ARID3A: variants seen among roughly 807,000 people sequenced by gnomAD.
The protein encoded by ARID3A is AT-rich interactive domain-containing protein 3A.
ARID3A carries 11 observed loss-of-function variants against 52.7 expected under a neutral mutation model. That is an observed-to-expected ratio of 0.21 (90% CI 0.13 to 0.35). The LOEUF (loss-of-function observed/expected upper bound fraction) is 0.35, where lower values mean the gene tolerates loss of function less well. Among genes scored for constraint, ARID3A ranks in the 10% least tolerant of loss-of-function variants. The probability of loss-of-function intolerance (pLI) is 1.00; values close to 1 mark genes in which losing one functional copy is unlikely to be tolerated. For synonymous variants in ARID3A, 404 were observed against 359.4 expected, an observed-to-expected ratio of 1.12 and a Z score of -1.40; for missense variants, 721 against 838.5, an observed-to-expected ratio of 0.86 and a Z score of 1.73.
chr19:939,445 ACACT>A (rs1188082134), intron 3 of ARID3A, among the ~76,000 whole-genome samples: 1 of 152,118 alleles, frequency 6.6e-6, no homozygotes, highest in Non-Finnish European at 1.5e-5. Context: ...TCCAGAAGTA[ACACT>A]TGACACTCTT....
chr19:960,649 C>A lies in ARID3A; in HGVS notation c.766+485C>A, dbSNP rs766403497. 5.9e-5 allele frequency among the ~76,000 whole-genome samples: 9 copies of A among 152,052 alleles called. No homozygotes were observed. The highest frequency in any genetic ancestry group is 1.3e-4 in the Admixed American group (2 of 15,258). On this transcript the variant is annotated intron_variant, in intron 4 of 8. Transcript: ENST00000263620. This position sits in a 1 kb window ranked among gnomAD's most constrained non-coding sequence, Gnocchi z 4.3. The stretch of plus-strand genomic sequence containing the variant: ...ATGGCGGCCAATGCGACATTTGAGT[C>A]CTGGCCCCTCCCCTCTTCCCACCAG...
chr19:945,622 A>G (rs1185365146), intron 3 of ARID3A, among the ~76,000 whole-genome samples: 1 of 152,214 alleles, frequency 6.6e-6, no homozygotes, highest in East Asian at 1.9e-4. Flanking sequence ...GGGACCCCGG[A>G]CCCTGAGCCC....
Position 944,256 on chromosome 19 carries a change from G to A in ARID3A, c.693+11514G>A, listed in dbSNP as rs570047143. On this transcript the variant is annotated intron_variant, in intron 3 of 8. Transcript: ENST00000263620. This position sits in a 1 kb window ranked among gnomAD's most constrained non-coding sequence, Gnocchi z 5.9. ...ACGTCGGCAGCGCGGTGGAGGGCGG[G>A]CCTGTCTCGCCGTTATCTCCCAGGC... Among the ~76,000 whole-genome samples the A allele has an allele frequency of 3.1e-4, 47 of 152,112 alleles. No homozygotes were observed. Among genetic ancestry groups the A allele is most frequent in the African/African-American group, 1.0e-3 (42 of 41,396 alleles).
chr19:925,991 C>G (rs1372688147), upstream of ARID3A: 21 of 147,140 alleles, frequency 1.4e-4, no homozygotes, highest in Non-Finnish European at 2.2e-4. Context: ...GGGCGGGGGC[C>G]GGCCGCGCGC....
At chr19:966,117 C>T (rs144454500) in intron 6 of ARID3A, among the ~76,000 whole-genome samples, 2,014 of 151,198 alleles carry the variant, frequency 0.013, 46 homozygotes, top group African/African-American at 0.046. Context: ...GCTGGGATCG[C>T]GCCACTGCCC....
At chr19:937,185 A>G (rs1288769801) in intron 3 of ARID3A, among the ~76,000 whole-genome samples, 1 of 151,644 alleles carries the variant, frequency 6.6e-6, no homozygotes, top group Admixed American at 6.6e-5. Flanking sequence ...AACCGCTTGA[A>G]CCCGGGAGGC....
Position 947,635 on chromosome 19 carries a change from G to A in ARID3A, c.694-12457G>A, listed in dbSNP as rs933660451. ...CACGGGAGAATGAGGAGGGTCTGGC[G>A]TCAGCAAGCTCCCCCGGAATCTCGT... On this transcript the variant is annotated intron_variant, in intron 3 of 8. Transcript: ENST00000263620. The surrounding 1 kb of genome is among the most constrained non-coding windows in gnomAD (Gnocchi z 6.3). Among the ~76,000 whole-genome samples the A allele has an allele frequency of 1.6e-4, 25 of 152,192 alleles. No individual in the cohort carries two copies. The highest frequency in any genetic ancestry group is 3.9e-4 in the Admixed American group (6 of 15,274).
chr19:932,001 C>CT (rs35576679), intron 2 of ARID3A, among the ~76,000 whole-genome samples: 1,503 of 146,596 alleles, frequency 0.01, 22 homozygotes, highest in African/African-American at 0.034. Flanking sequence ...TAATGATTCC[C>CT]TTTTTTTTTT....
chr19:943,540 C>G (rs550240392), intron 3 of ARID3A, among the ~76,000 whole-genome samples: 13 of 151,920 alleles, frequency 8.6e-5, no homozygotes, highest in Admixed American at 5.2e-4. Flanking sequence ...TACACTCCAG[C>G]CTGGGTGACA....
At chr19:969,352 C>G (rs112727961) in intron 8 of ARID3A, among the ~76,000 whole-genome samples, 2,308 of 151,408 alleles carry the variant, frequency 0.015, 57 homozygotes, top group African/African-American at 0.053. Context: ...GTCTGGGCAA[C>G]ATAGTGAGAC....
rs536864295 is a variant in ARID3A at position 956,421 on chromosome 19, T to C, written c.694-3671T>C. On this transcript the variant is annotated intron_variant, in intron 3 of 8. Coordinates refer to ENST00000263620, the MANE Select transcript of ARID3A (RefSeq NM_005224.3). The stretch of plus-strand genomic sequence containing the variant: ...ATACACTCCTAGATCCGTGACTCGG[T>C]GATGGACGGGGTCTCGGAGGAAGAA... 6 of 152,274 alleles carry C rather than the reference T, an allele frequency of 3.9e-5. No homozygotes were observed. The South Asian group carries it at 1.2e-3, about 31-fold the overall frequency. 9.4% of individuals were successfully genotyped at this position (152,274 alleles called of 1,614,324 possible). A position where few individuals can be genotyped will look rare whatever the true frequency, so the allele number is the denominator to read the frequency against.
chr19:945,946 G>A (rs2037669782), intron 3 of ARID3A, among the ~76,000 whole-genome samples: 1 of 152,186 alleles, frequency 6.6e-6, no homozygotes, highest in Non-Finnish European at 1.5e-5. Flanking sequence ...TCCAGGTCCC[G>A]TCTGCAGGGA....
intron 8 of ARID3A, chr19:968,734 G>GGATGGTTCACATTGGATGGTTC (rs2038216837): frequency 2.2e-6 from 1 of 451,288 alleles, no homozygotes; most frequent in African/African-American, 2.0e-5. Context: ...TATTCAGTGT[G>GGATGGTTCACATTGGATGGTTC]ACGTTGGATG....
At chr19:934,599 C>T (rs1231414393) in intron 3 of ARID3A, among the ~76,000 whole-genome samples, 2 of 152,202 alleles carry the variant, frequency 1.3e-5, no homozygotes, top group Admixed American at 1.3e-4. Flanking sequence ...CACCTGCCCC[C>T]TGGGTGTACC....
chr19:965,117 CTG>C, intron 6 of ARID3A, 37 bp downstream of exon 6: 1 of 1,554,656 alleles, frequency 6.4e-7, no homozygotes, highest in African/African-American at 1.4e-5. Flanking sequence ...GTGTTCCCAA[CTG>C]AGCTTCAGCC....
Position 966,660 on chromosome 19 carries a change from T to C in ARID3A, c.1287T>C (p.Ala429=). ...CTGTGGTGGCAGCCCAGGCAGCAGC[T>C]GTGCAAGCAGCAGCCGCCCAAGCAG... ...GHPVVAAQAA[A]VQAAAAQAAV... is the part of the protein sequence containing the mutation. The change falls in exon 7 of 9, where the codon GCT becomes GCC. Residue 429 remains alanine (A), a synonymous_variant. Transcript: ENST00000263620. The C allele has an allele frequency of 6.2e-7, 1 of 1,608,844 alleles. No individual in the cohort carries two copies. Among genetic ancestry groups the C allele is most frequent in the Non-Finnish European group, 8.5e-7 (1 of 1,176,806 alleles).
At chr19:930,731 G>C (rs964302427) in intron 2 of ARID3A, among the ~76,000 whole-genome samples, 18 of 150,816 alleles carry the variant, frequency 1.2e-4, no homozygotes, top group Middle Eastern at 3.4e-3. Flanking sequence ...AGATGGTCTC[G>C]ATCTCCTGAC....
At position 974,096 on chromosome 19, in the gene ARID3A, T is replaced by C; in HGVS notation, c.*2031T>C. 4.4e-6 allele frequency: 1 copy of C among 225,402 alleles called. No homozygotes were observed. Among genetic ancestry groups the C allele is most frequent in the Non-Finnish European group, 8.8e-6 (1 of 113,272 alleles). 14.0% of individuals were successfully genotyped at this position (225,402 alleles called of 1,614,324 possible). On this transcript the variant is annotated 3_prime_UTR_variant, in exon 9 of 9. Transcript: ENST00000263620. ...TTGGTGAGGAAGGGGACTCCCCAGC[T>C]CCCCCCACTCCCAACCACCTCCCCA... is the stretch of plus-strand genomic sequence containing the variant.
chr19:926,349 G>A (rs1173030192), intron 1 of ARID3A, among the ~76,000 whole-genome samples: 1 of 151,874 alleles, frequency 6.6e-6, no homozygotes, highest in Non-Finnish European at 1.5e-5. Context: ...TGGCGGGCTG[G>A]GGTTCGGGGA....
Sources: gnomAD v4.1 joint callset for allele counts (sites outside exome capture counted in the v4.1 genomes callset) on GRCh38, gnomAD v4.1.1 for gene constraint, Gnocchi (gnomAD v3.1) non-coding constraint, MANE v1.5 for transcripts, NCBI Gene and HGNC (gene_info 2026-07-23, HGNC 2026-07-21) for gene names.